Variants in DIPK1A observed in about 807,000 individuals in gnomAD.
DIPK1A encodes divergent protein kinase domain 1A.
A neutral mutation model predicts 40.8 loss-of-function variants in DIPK1A; 27 were observed. That is an observed-to-expected ratio of 0.66 (90% CI 0.49 to 0.91). DIPK1A has a LOEUF of 0.91. Ranked by LOEUF, DIPK1A falls within the 40% of genes least tolerant of loss-of-function variation. DIPK1A has a pLI of 0.00. For synonymous variants in DIPK1A, 166 were observed against 171.3 expected (o/e 0.97, Z 0.24); for missense variants, 412 against 505.7 (o/e 0.81, Z 1.78).
At chr1:92,899,984 A>C (rs1160570271) in intron 1 of DIPK1A, among the ~76,000 whole-genome samples, 3 of 152,060 alleles carry the variant, frequency 2.0e-5, no homozygotes, top group African/African-American at 7.2e-5. Flanking sequence ...CTGCAGAGAA[A>C]TCTGCTGTTA....
chr1:92,888,261 T>C (rs1280021935), intron 1 of DIPK1A, among the ~76,000 whole-genome samples: 1 of 152,108 alleles, frequency 6.6e-6, no homozygotes, highest in African/African-American at 2.4e-5. Flanking sequence ...TTTTTAAACT[T>C]TCACATGTGA....
At chr1:92,833,475 G>A (rs766006888) in intron 4 of DIPK1A, 1 of 1,613,616 alleles carries the variant, frequency 6.2e-7, no homozygotes, top group Non-Finnish European at 8.5e-7. Flanking sequence ...TCACCTTTTT[G>A]TGTTTACAAT....
chr1:92,878,259 C>T (rs1176192487), intron 1 of DIPK1A, among the ~76,000 whole-genome samples: 4 of 152,172 alleles, frequency 2.6e-5, no homozygotes, highest in Non-Finnish European at 4.4e-5. Context: ...GATTAAAAAT[C>T]ATTTAAGATA....
At chr1:92,929,862 C>G (rs1280837943) in intron 1 of DIPK1A, among the ~76,000 whole-genome samples, 1 of 152,180 alleles carries the variant, frequency 6.6e-6, no homozygotes, top group African/African-American at 2.4e-5. Flanking sequence ...GGCTGACTTT[C>G]CAAGTTGTCA....
rs1048608348 is a variant in DIPK1A, at chr1:92,847,216, T to G, written c.441A>C (p.Gln147His). ...GACTATAGACCATTTCTTTAAATTTTTGTACAGTAGTTCCTCTAGTTGGCT... is the reference window on the plus strand; with the variant it reads ...GACTATAGACCATTTCTTTAAATTTGTGTACAGTAGTTCCTCTAGTTGGCT... ...FDKPTRGTTV[Q>H]KFKEMVYSLF... The change falls in exon 4 of 5, where the codon CAA (glutamine) becomes CAC (histidine). Residue 147 changes from glutamine (Q) to histidine (H), a missense_variant. Gln to His is a conservative substitution (Grantham distance 24, BLOSUM62 0). Coordinates refer to ENST00000370310, the MANE Select transcript of DIPK1A (RefSeq NM_001006605.5). 6.3e-7 allele frequency: 1 copy of G among 1,590,288 alleles called. No homozygotes were observed. The highest frequency in any genetic ancestry group is 1.8e-5 in the Admixed American group (1 of 55,710).
At chr1:92,865,924 TTC>T (rs1022306856) in intron 2 of DIPK1A, among the ~76,000 whole-genome samples, 5 of 152,370 alleles carry the variant, frequency 3.3e-5, no homozygotes, top group Admixed American at 1.3e-4. Context: ...TTGTTCAACA[TTC>T]TGTTTGTTTT....
intron 1 of DIPK1A, among the ~76,000 whole-genome samples, chr1:92,952,463 T>A (rs2100913119): frequency 6.6e-6 from 1 of 152,054 alleles, no homozygotes; most frequent in Non-Finnish European, 1.5e-5. Flanking sequence ...CTACAAAAAA[T>A]ACAAAAACTA....
At chr1:92,922,629 G>A (rs1650314806) in intron 1 of DIPK1A, among the ~76,000 whole-genome samples, 2 of 152,194 alleles carry the variant, frequency 1.3e-5, no homozygotes, top group Non-Finnish European at 2.9e-5. Flanking sequence ...TCCTCTGGAA[G>A]TCTGAAGGTG....
intron 1 of DIPK1A, among the ~76,000 whole-genome samples, chr1:92,894,961 T>G (rs574906205): frequency 6.6e-6 from 1 of 152,026 alleles, no homozygotes; most frequent in Non-Finnish European, 1.5e-5. Context: ...CAGAAAGAAG[T>G]TGAATCCCTG....
At chr1:92,885,745 T>C (rs1374890119) in intron 1 of DIPK1A, among the ~76,000 whole-genome samples, 1 of 152,150 alleles carries the variant, frequency 6.6e-6, no homozygotes, top group Non-Finnish European at 1.5e-5. Flanking sequence ...AAATGATAAA[T>C]ACATTAGAGC....
chr1:92,876,437 G>A lies in DIPK1A; in HGVS notation c.55-7C>T, dbSNP rs1571081576. The A allele has an allele frequency of 1.2e-6, 2 of 1,610,458 alleles. No individual in the cohort carries two copies. The highest frequency in any genetic ancestry group is 4.5e-5 in the East Asian group (2 of 44,774). On this transcript the variant is annotated splice_polypyrimidine_tract_variant and splice_region_variant and intron_variant, in intron 1 of 4. Coordinates refer to ENST00000370310, the MANE Select transcript of DIPK1A (RefSeq NM_001006605.5). Reference sequence around the variant, plus strand: ...GCACATATGAGAAGCGAGCCTGTGAGTAAAAAAGAACATAACGATCATTCA... The same window carrying A: ...GCACATATGAGAAGCGAGCCTGTGAATAAAAAAGAACATAACGATCATTCA...
At chr1:92,841,688 A>G (rs184728588), downstream of DIPK1A, 947 of 911,456 alleles carry the variant, frequency 1.0e-3, 8 homozygotes, top group African/African-American at 0.015. Context: ...TCAAAATTAA[A>G]TTTTATTAAA....
chr1:92,921,985 C>T (rs1650288423), intron 1 of DIPK1A, among the ~76,000 whole-genome samples: 3 of 152,138 alleles, frequency 2.0e-5, no homozygotes, highest in East Asian at 1.9e-4. Context: ...TCACAAAGAA[C>T]TTAACGTCTG....
chr1:92,846,831 ATATATATATATGTG>A lies in DIPK1A; in HGVS notation c.474+338_474+351del, dbSNP rs1687633710. The stretch of plus-strand genomic sequence containing the variant: ...TATATATATATATATATATATATAT[ATATATATATATGTG>A]TGTATATATATATGTGTGTATATAT... On this transcript the variant is annotated intron_variant, in intron 4 of 4. Transcript: ENST00000370310. 2.1e-3 allele frequency among the ~76,000 whole-genome samples: 16 copies of A among 7,698 alleles called. 1 individual carries two copies. Among genetic ancestry groups the A allele is most frequent in the African/African-American group, 0.015 (14 of 944 alleles). The allele number at this position is 7,698 out of a possible 152,430, so 5.1% of individuals were successfully genotyped here.
intron 4 of DIPK1A, among the ~76,000 whole-genome samples, chr1:92,835,551 T>C (rs570717743): frequency 6.6e-6 from 1 of 151,132 alleles, no homozygotes; most frequent in Non-Finnish European, 1.5e-5. Context: ...TCCCAACTAC[T>C]TGGGAGGCTG....
In DIPK1A at chr1:92,870,111, CACAT is replaced by C. The variant is rs1193103102; in HGVS notation, c.189+6181_189+6184del. 9.2e-4 allele frequency among the ~76,000 whole-genome samples: 138 copies of C among 150,610 alleles called. 1 individual carries two copies. Among genetic ancestry groups the C allele is most frequent in the African/African-American group, 3.3e-3 (134 of 40,402 alleles). ...ACACACACACACACACACACACACA[CACAT>C]ATCTGTTGCTCTCCTCCAAACATCC... On this transcript the variant is annotated intron_variant, in intron 2 of 4. Transcript: ENST00000370310.
downstream of DIPK1A, chr1:92,840,645 T>C: frequency 6.2e-7 from 1 of 1,602,710 alleles, no homozygotes; most frequent in Non-Finnish European, 8.5e-7. Context: ...AAGAGGTATG[T>C]CGTCTTTTTT....
At chr1:92,894,083 A>G (rs1168537448) in intron 1 of DIPK1A, among the ~76,000 whole-genome samples, 5 of 152,080 alleles carry the variant, frequency 3.3e-5, no homozygotes, top group Non-Finnish European at 7.4e-5. Flanking sequence ...TGTCAACATT[A>G]GACAGATCAA....
chr1:92,896,654 T>A (rs1183495022), intron 1 of DIPK1A, among the ~76,000 whole-genome samples: 1 of 151,256 alleles, frequency 6.6e-6, no homozygotes, highest in East Asian at 1.9e-4. Context: ...AATTGACAAA[T>A]GGGATCTAAT....
Sources: allele counts gnomAD v4.1 joint callset (sites outside exome capture counted in the v4.1 genomes callset), GRCh38; gene constraint gnomAD v4.1.1; transcripts MANE v1.5; gene names NCBI Gene and HGNC (gene_info 2026-07-23, HGNC 2026-07-21).